CD93: variants seen among roughly 807,000 people sequenced by gnomAD.
The protein encoded by CD93 is CD93 molecule, also known as complement component C1q receptor.
CD93 carries 44 observed loss-of-function variants against 45.5 expected under a neutral mutation model. The ratio of observed to expected loss-of-function variants is 0.97; its 90% CI spans 0.76 to 1.24. The LOEUF (loss-of-function observed/expected upper bound fraction) is 1.24. Among genes scored for constraint, CD93 ranks in the 50% most tolerant of loss-of-function variants. The pLI is 0.00. For missense variants in CD93, 918 were observed against 844.5 expected (o/e 1.09, Z -1.08); for synonymous variants, 431 against 370.8 (o/e 1.16, Z -1.87).
chr20:23,084,906 A>G lies in CD93; in HGVS notation c.1287T>C (p.Asp429=), dbSNP rs762448916. 1.9e-6 allele frequency: 3 copies of G among 1,613,188 alleles called. No homozygotes were observed. The highest frequency in any genetic ancestry group is 2.5e-6 in the Non-Finnish European group (3 of 1,179,900). Residue 429 remains aspartate, a synonymous_variant, in exon 1 of 2, where the codon GAT becomes GAC. Transcript: ENST00000246006. ...GGGGGCCCCCCGGGCCCACACACTC[A>G]TCCACGTCCTGGCACTGAGTCCCGT... ...GEDGTQCQDV[D]ECVGPGGPLC...
In CD93 at chr20:23,083,552, T is replaced by A. The variant is rs41460745; in HGVS notation, c.*398A>T. 586 of 202,242 alleles carry A rather than the reference T, an allele frequency of 2.9e-3. 20 individuals are homozygous for A. The East Asian group carries it at 0.058, about 20-fold the overall frequency. 12.5% of individuals were successfully genotyped at this position (202,242 alleles called of 1,614,324 possible). ...TCATCCTAGGAAGAGAAACAAATCA[T>A]TTCAATCCTAATCAGCATGAGCAAC... On this transcript the variant is annotated 3_prime_UTR_variant, in exon 2 of 2. Coordinates refer to ENST00000246006, the MANE Select transcript of CD93 (RefSeq NM_012072.4).
rs779847005 is a variant in CD93 at position 23,085,864 on chromosome 20, G to A, written c.329C>T (p.Pro110Leu). 5.3e-6 allele frequency: 6 copies of A among 1,122,222 alleles called. No homozygotes were observed. Among genetic ancestry groups the A allele is most frequent in the Admixed American group, 2.0e-5 (1 of 48,790 alleles). The allele number at this position is 1,122,222 out of a possible 1,614,324, so 69.5% of individuals were successfully genotyped here. The change falls in exon 1 of 2, where the codon CCG becomes CTG. Residue 110 changes from proline to leucine, a missense_variant. Coordinates refer to ENST00000246006, the MANE Select transcript of CD93 (RefSeq NM_012072.4). ...EKGKCLDPSL[P>L]LKGFSWVGGG... ...GCCCACCCAGCTGAAGCCCTTCAGC[G>A]GCAGACTAGGGTCCAGGCACTTGCC... is the stretch of plus-strand genomic sequence containing the variant.
In CD93 at chr20:23,084,713, C is replaced by T. The variant is rs759985264; in HGVS notation, c.1480G>A (p.Val494Met). Reference sequence around the variant, plus strand: ...GGACTGGCTGTTGCAGCACGGGGCACGGTGCTCCCTTCTTTCTCTCCTTTG... The same window carrying T: ...GGACTGGCTGTTGCAGCACGGGGCATGGTGCTCCCTTCTTTCTCTCCTTTG... ...EDKGEKEGSTVPRAATASPTR... is the reference protein window; with the variant it reads ...EDKGEKEGSTMPRAATASPTR... Residue 494 changes from valine to methionine, a missense_variant, in exon 1 of 2, where the codon GTG becomes ATG. Coordinates refer to ENST00000246006, the MANE Select transcript of CD93 (RefSeq NM_012072.4). 2.6e-5 allele frequency: 42 copies of T among 1,594,628 alleles called. 1 individual carries two copies. Among genetic ancestry groups the T allele is most frequent in the South Asian group, 1.7e-4 (15 of 88,230 alleles).
At position 23,085,607 on chromosome 20, in the gene CD93, G is replaced by A. The variant is rs957372363; in HGVS notation, c.586C>T (p.Pro196Ser). The A allele has an allele frequency of 6.2e-7, 1 of 1,613,214 alleles. No individual in the cohort carries two copies. Among genetic ancestry groups the A allele is most frequent in the Non-Finnish European group, 8.5e-7 (1 of 1,179,920 alleles). Residue 196 changes from proline to serine, a missense_variant, in exon 1 of 2, where the codon CCA becomes TCA. Physicochemically the swap from Pro to Ser is moderately conservative, Grantham distance 74. Coordinates refer to ENST00000246006, the MANE Select transcript of CD93 (RefSeq NM_012072.4). ...GMCRPLALGG[P>S]GQVTYTTPFQ... ...GGGGTGGTGTAGGTCACCTGACCTG[G>A]GCCCCCCAGGGCCAGAGGCCGGCAC...
Position 23,080,227 on chromosome 20 carries a change from G to T in CD93, c.*3723C>A, listed in dbSNP as rs899215448. ...GGCTTTCCTATGTTAGTTTTAAAAA[G>T]ACTGTGTTATTTTTAATTCAATTTT... On this transcript the variant is annotated 3_prime_UTR_variant, in exon 2 of 2. Coordinates refer to ENST00000246006, the MANE Select transcript of CD93 (RefSeq NM_012072.4). 6.6e-6 allele frequency: 1 copy of T among 152,558 alleles called. No homozygotes were observed. The highest frequency in any genetic ancestry group is 1.5e-5 in the Non-Finnish European group (1 of 68,022). 9.5% of individuals were successfully genotyped at this position (152,558 alleles called of 1,614,324 possible). A position where few individuals can be genotyped will look rare whatever the true frequency, so the allele number is the denominator to read the frequency against.
rs1275074132 is a variant in CD93, at chr20:23,080,142, GTGTTTTCC to G, written c.*3800_*3807del. 5 of 152,488 alleles carry G rather than the reference GTGTTTTCC, an allele frequency of 3.3e-5. No individual in the cohort carries two copies. The highest frequency in any genetic ancestry group is 6.6e-5 in the Admixed American group (1 of 15,258). 9.4% of individuals were successfully genotyped at this position (152,488 alleles called of 1,614,324 possible). ...ACCATTTTGCAGCTGCTAGAAAGCT[GTGTTTTCC>G]TGTTTTCCTGATTTAGACAATGGAG... On this transcript the variant is annotated 3_prime_UTR_variant, in exon 2 of 2. Coordinates refer to ENST00000246006, the MANE Select transcript of CD93 (RefSeq NM_012072.4).
rs971813097 is a variant in CD93 at position 23,080,209 on chromosome 20, C to T, written c.*3741G>A. 1 of 152,372 alleles carries T rather than the reference C, an allele frequency of 6.6e-6. No homozygotes were observed. Among genetic ancestry groups the T allele is most frequent in the Non-Finnish European group, 1.5e-5 (1 of 67,980 alleles). The allele number at this position is 152,372 out of a possible 1,614,324, so 9.4% of individuals were successfully genotyped here. The stretch of plus-strand genomic sequence containing the variant: ...AAGAGAAATAATAGGAAAGGCTTTC[C>T]TATGTTAGTTTTAAAAAGACTGTGT... On this transcript the variant is annotated 3_prime_UTR_variant, in exon 2 of 2. Transcript: ENST00000246006.
At position 23,083,565 on chromosome 20, in the gene CD93, C is replaced by G. The variant is rs7260867; in HGVS notation, c.*385G>C. ...AGAAACAAATCATTTCAATCCTAAT[C>G]AGCATGAGCAACTCACCTTTTCCTC... On this transcript the variant is annotated 3_prime_UTR_variant, in exon 2 of 2. Coordinates refer to ENST00000246006, the MANE Select transcript of CD93 (RefSeq NM_012072.4). 252 of 232,152 alleles carry G rather than the reference C, an allele frequency of 1.1e-3. 1 individual carries two copies. Among genetic ancestry groups the G allele is most frequent in the African/African-American group, 5.3e-3 (236 of 44,838 alleles). 14.4% of individuals were successfully genotyped at this position (232,152 alleles called of 1,614,324 possible).
Position 23,081,612 on chromosome 20 carries a change from A to T in CD93, c.*2338T>A, listed in dbSNP as rs1262397126. 1 of 152,182 alleles carries T rather than the reference A, an allele frequency of 6.6e-6. No individual in the cohort carries two copies. The highest frequency in any genetic ancestry group is 1.5e-5 in the Non-Finnish European group (1 of 68,048). The allele number at this position is 152,182 out of a possible 1,614,324, so 9.4% of individuals were successfully genotyped here. A position where few individuals can be genotyped will look rare whatever the true frequency, so the allele number is the denominator to read the frequency against. On this transcript the variant is annotated 3_prime_UTR_variant, in exon 2 of 2. Transcript: ENST00000246006. ...AGGAGAGGGACCCAGCCTGCCAGGG[A>T]AGGTTTTGAGGAACTGGATTCTTTA...
chr20:23,084,395 C>G lies in CD93; in HGVS notation c.1798G>C (p.Ala600Pro), dbSNP rs765860988. 9 of 1,614,116 alleles carry G rather than the reference C, an allele frequency of 5.6e-6. No individual in the cohort carries two copies. The South Asian group carries it at 9.9e-5, about 18-fold the overall frequency. The change falls in exon 1 of 2, where the codon GCT becomes CCT. Residue 600 changes from alanine to proline, a missense_variant. Ala to Pro is a conservative substitution (Grantham distance 27, BLOSUM62 -1). Coordinates refer to ENST00000246006, the MANE Select transcript of CD93 (RefSeq NM_012072.4). ...VVAILLLLAL[A>P]LGLLVYRKRR... ...TTGCGATAGACCAGTAGCCCCAGAG[C>G]CAGGGCCAGCAGGAGTAGGATGGCC...
chr20:23,084,300 A>G lies in CD93; in HGVS notation c.1893T>C (p.Val631=), dbSNP rs781332343. The part of the protein sequence containing the change: ...PQNAADSYSW[V]PERAESRAME... ...TGGCCCTGCTCTCAGCTCGCTCTGGAACCCAGGAGTAACTGTCTGCCGCAT... is the reference window on the plus strand; with the variant it reads ...TGGCCCTGCTCTCAGCTCGCTCTGGGACCCAGGAGTAACTGTCTGCCGCAT... The change falls in exon 1 of 2, where the codon GTT becomes GTC. Residue 631 remains valine, a synonymous_variant. Coordinates refer to ENST00000246006, the MANE Select transcript of CD93 (RefSeq NM_012072.4). 5 of 1,614,044 alleles carry G rather than the reference A, an allele frequency of 3.1e-6. No homozygotes were observed. Among genetic ancestry groups the G allele is most frequent in the Non-Finnish European group, 3.4e-6 (4 of 1,180,012 alleles).
rs1568678873 is a variant in CD93 at position 23,085,724 on chromosome 20, GGCGGCTGGGAAGGA to G, written c.455_468del (p.Leu152ProfsTer6). The G allele has an allele frequency of 1.2e-6, 2 of 1,611,498 alleles. No homozygotes were observed. The highest frequency in any genetic ancestry group is 1.7e-6 in the Non-Finnish European group (2 of 1,179,936). ...CAGGGGCCCTCAGACCACTTGGGGA[GGCGGCTGGGAAGGA>G]GCGGCTGGGACAGGTCCAGCAGCAG... On this transcript the variant is annotated frameshift_variant, in exon 1 of 2. Transcript: ENST00000246006. LOFTEE classifies it high-confidence loss of function.
chr20:23,085,835 C>T lies in CD93; in HGVS notation c.358G>A (p.Gly120Arg), dbSNP rs1234306399. 6.8e-7 allele frequency: 1 copy of T among 1,476,808 alleles called. No individual in the cohort carries two copies. The highest frequency in any genetic ancestry group is 1.7e-5 in the Admixed American group (1 of 57,360). 91.5% of individuals were successfully genotyped at this position (1,476,808 alleles called of 1,614,324 possible). The change falls in exon 1 of 2, where the codon GGG becomes AGG. Residue 120 changes from glycine to arginine, a missense_variant. Coordinates refer to ENST00000246006, the MANE Select transcript of CD93 (RefSeq NM_012072.4). The stretch of plus-strand genomic sequence containing the variant: ...CAGTTAGAGTAAGGCGTGTCCTCCC[C>T]CCCGCCCACCCAGCTGAAGCCCTTC... Reference protein sequence around the residue: ...PLKGFSWVGGGEDTPYSNWHK... With the variant: ...PLKGFSWVGGREDTPYSNWHK...
chr20:23,080,817 G>T lies in CD93; in HGVS notation c.*3133C>A, dbSNP rs1985304449. On this transcript the variant is annotated 3_prime_UTR_variant, in exon 2 of 2. Transcript: ENST00000246006. ...TCTTGCCTGGAAGCCAAGCTGTTGA[G>T]CAGGGGTGGAGTCCCTCTACAGAGG... is the stretch of plus-strand genomic sequence containing the variant. 1 of 152,282 alleles carries T rather than the reference G, an allele frequency of 6.6e-6. No individual in the cohort carries two copies. The highest frequency in any genetic ancestry group is 2.4e-5 in the African/African-American group (1 of 41,480). The allele number at this position is 152,282 out of a possible 1,614,324, so 9.4% of individuals were successfully genotyped here.
rs779605739 is a variant in CD93 at position 23,085,716 on chromosome 20, C to T, written c.477G>A (p.Lys159=). 6 of 1,611,444 alleles carry T rather than the reference C, an allele frequency of 3.7e-6. No individual in the cohort carries two copies. The highest frequency in any genetic ancestry group is 1.6e-4 in the Middle Eastern group (1 of 6,080). ...SQPLLPSRLP[K]WSEGPCGSPG... is the part of the protein sequence containing the mutation. ...GGCTCCCACAGGGGCCCTCAGACCA[C>T]TTGGGGAGGCGGCTGGGAAGGAGCG... Residue 159 remains lysine, a synonymous_variant, in exon 1 of 2, where the codon AAG becomes AAA. Transcript: ENST00000246006.
In CD93 at chr20:23,084,568, C is replaced by T; in HGVS notation, c.1625G>A (p.Gly542Asp). 6.2e-7 allele frequency: 1 copy of T among 1,612,448 alleles called. No homozygotes were observed. Among genetic ancestry groups the T allele is most frequent in the Non-Finnish European group, 8.5e-7 (1 of 1,179,028 alleles). Reference protein sequence around the residue: ...LKMLAPSGSPGVWREPSIHHA... With the variant: ...LKMLAPSGSPDVWREPSIHHA... Reference sequence around the variant, plus strand: ...ATGGATGCTGGGCTCCCTCCAGACGCCTGGGGACCCACTGGGGGCCAGCAT... The same window carrying T: ...ATGGATGCTGGGCTCCCTCCAGACGTCTGGGGACCCACTGGGGGCCAGCAT... Residue 542 changes from glycine (G) to aspartate (D), a missense_variant, in exon 1 of 2, where the codon GGC (glycine) becomes GAC (aspartate). Gly to Asp is a moderately conservative substitution (Grantham distance 94). Coordinates refer to ENST00000246006, the MANE Select transcript of CD93 (RefSeq NM_012072.4).
rs1459759465 is a variant in CD93, at chr20:23,080,507, C to CT, written c.*3442dup. On this transcript the variant is annotated 3_prime_UTR_variant, in exon 2 of 2. Coordinates refer to ENST00000246006, the MANE Select transcript of CD93 (RefSeq NM_012072.4). Reference sequence around the variant, plus strand: ...ATAAAGGTTTGACTTTTTAATTCCACTTTTTTGCCTGATCGCAGGGAAGAT... The same window carrying CT: ...ATAAAGGTTTGACTTTTTAATTCCACTTTTTTTGCCTGATCGCAGGGAAGAT... 1.3e-5 allele frequency: 2 copies of CT among 152,200 alleles called. No individual in the cohort carries two copies. The highest frequency in any genetic ancestry group is 2.4e-5 in the African/African-American group (1 of 41,438). 9.4% of individuals were successfully genotyped at this position (152,200 alleles called of 1,614,324 possible).
chr20:23,084,859 T>C lies in CD93; in HGVS notation c.1334A>G (p.Asn445Ser), dbSNP rs1295636514. ...GCCACAGTGGAAGGACCCTTGTGTG[T>C]TGAAGCACAAGCTGTCGCAGAGGGG... ...GGPLCDSLCF[N>S]TQGSFHCGCL... Residue 445 changes from asparagine (N) to serine (S), a missense_variant, in exon 1 of 2, where the codon AAC (asparagine) becomes AGC (serine). By Grantham distance (46) the Asn-to-Ser change is conservative. Coordinates refer to ENST00000246006, the MANE Select transcript of CD93 (RefSeq NM_012072.4). 1.9e-6 allele frequency: 3 copies of C among 1,613,266 alleles called. No individual in the cohort carries two copies. Among genetic ancestry groups the C allele is most frequent in the Non-Finnish European group, 1.7e-6 (2 of 1,179,926 alleles).
In CD93 at chr20:23,085,512, T is replaced by C. The variant is rs1366185465; in HGVS notation, c.681A>G (p.Glu227=). 2 of 1,613,816 alleles carry C rather than the reference T, an allele frequency of 1.2e-6. No homozygotes were observed. Among genetic ancestry groups the C allele is most frequent in the Non-Finnish European group, 1.7e-6 (2 of 1,180,046 alleles). Residue 227 remains glutamate (E), a synonymous_variant, in exon 1 of 2, where the codon GAA becomes GAG. Transcript: ENST00000246006. ...GACTCTGAGTCTCGTCCTTGTCACC[T>C]TCCCCACAGGCTACATTGGCCGCAG... The part of the protein sequence containing the change: ...FASAANVACG[E]GDKDETQSHY...
Sources: allele counts gnomAD v4.1 joint callset, GRCh38; gene constraint gnomAD v4.1.1; transcripts MANE v1.5; gene names NCBI Gene and HGNC (gene_info 2026-07-23, HGNC 2026-07-21).